KIF16B: variants seen among roughly 807,000 people sequenced by gnomAD.
KIF16B encodes the protein kinesin family member 16B, also known as kinesin-like protein KIF16B.
In KIF16B, 98 loss-of-function variants were observed where a neutral mutation model predicts 156.3. That is an observed-to-expected ratio of 0.63 (90% CI 0.53 to 0.74). KIF16B has a LOEUF of 0.74. Among genes scored for constraint, KIF16B ranks in the 30% least tolerant of loss-of-function variants. The pLI, the probability that KIF16B is intolerant of heterozygous loss-of-function variation, is 0.00. For missense variants in KIF16B, 1,421 were observed against 1,606.5 expected (o/e 0.88, Z 1.97); for synonymous variants, 564 against 583.7 (o/e 0.97, Z 0.49).
rs944495610 is a variant in KIF16B, at chr20:16,503,807, G to A, written c.1176+565C>T. On this transcript the variant is annotated intron_variant, in intron 10 of 25. Coordinates refer to ENST00000354981, the MANE Select transcript of KIF16B (RefSeq NM_024704.5). ...CTTACTGAGAAAATCACAAAGACAA[G>A]GAATCTTCACTAGAATCCCAACAGA... 1.1e-4 allele frequency among the ~76,000 whole-genome samples: 16 copies of A among 152,044 alleles called. 1 individual carries two copies. Among genetic ancestry groups the A allele is most frequent in the Non-Finnish European group, 1.3e-4 (9 of 67,998 alleles).
rs527449938 is a variant in KIF16B at position 16,282,957 on chromosome 20, A to G, written c.3796-9546T>C. Among the ~76,000 whole-genome samples the G allele has an allele frequency of 2.0e-5, 3 of 152,300 alleles. No homozygotes were observed. The South Asian group carries it at 6.2e-4, about 32-fold the overall frequency. ...AATGTTAATCCCCAACTTCTACTGAAGTCTACCACTTGCCCGAAGGTACTT... is the reference window on the plus strand; with the variant it reads ...AATGTTAATCCCCAACTTCTACTGAGGTCTACCACTTGCCCGAAGGTACTT... On this transcript the variant is annotated intron_variant, in intron 25 of 25. Transcript: ENST00000354981.
intron 23 of KIF16B, among the ~76,000 whole-genome samples, chr20:16,342,135 A>G (rs1318313615): frequency 2.6e-5 from 4 of 152,068 alleles, no homozygotes; most frequent in Non-Finnish European, 5.9e-5. Flanking sequence ...CATCCCCTCC[A>G]TGATCCCTTA....
chr20:16,541,333 C>A (rs573087090), intron 1 of KIF16B, among the ~76,000 whole-genome samples: 1 of 152,356 alleles, frequency 6.6e-6, no homozygotes, highest in Admixed American at 6.5e-5. Flanking sequence ...CAGCTCACCA[C>A]ACAGCAGTCA....
chr20:16,531,201 T>G (rs1287956638), intron 1 of KIF16B, among the ~76,000 whole-genome samples: 4 of 152,104 alleles, frequency 2.6e-5, no homozygotes, highest in Non-Finnish European at 5.9e-5. Flanking sequence ...AACTCATAAC[T>G]TAAAAATAAA....
intron 12 of KIF16B, among the ~76,000 whole-genome samples, chr20:16,475,755 A>G (rs908913033): frequency 6.6e-6 from 1 of 152,230 alleles, no homozygotes; most frequent in Non-Finnish European, 1.5e-5. Context: ...AATACAAGTA[A>G]ATGACACAAA....
At chr20:16,365,525 AC>A (rs1244425266) in intron 22 of KIF16B, among the ~76,000 whole-genome samples, 2 of 152,198 alleles carry the variant, frequency 1.3e-5, no homozygotes, top group Admixed American at 6.5e-5. Flanking sequence ...GGCTGCAGCC[AC>A]CAGTCTGTGG....
At chr20:16,540,006 T>C (rs749633172) in intron 1 of KIF16B, among the ~76,000 whole-genome samples, 1 of 152,170 alleles carries the variant, frequency 6.6e-6, no homozygotes, top group Non-Finnish European at 1.5e-5. Context: ...GAACCAATAT[T>C]TAACTGCCTT....
Position 16,497,687 on chromosome 20 carries a change from T to A in KIF16B, c.1177-9A>T. ...GAGTCTAAGAGGGCAATCTACAATA[T>A]AAACCATAAAAGAAATCAGCAATTA... On this transcript the variant is annotated splice_polypyrimidine_tract_variant and intron_variant, in intron 10 of 25. Transcript: ENST00000354981. 4 of 1,584,546 alleles carry A rather than the reference T, an allele frequency of 2.5e-6. No homozygotes were observed. Among genetic ancestry groups the A allele is most frequent in the Non-Finnish European group, 3.5e-6 (4 of 1,158,982 alleles).
At chr20:16,506,247 A>G in intron 7 of KIF16B, 57 bp from the exon 8 acceptor site, 1 of 1,404,950 alleles carries the variant, frequency 7.1e-7, no homozygotes, top group Non-Finnish European at 1.0e-6. Context: ...GATGTTGTTG[A>G]TGATATGAAT....
Position 16,428,996 on chromosome 20 carries a change from C to G in KIF16B, c.1431G>C (p.Gln477His). 1 of 1,613,030 alleles carries G rather than the reference C, an allele frequency of 6.2e-7. No individual in the cohort carries two copies. Among genetic ancestry groups the G allele is most frequent in the Non-Finnish European group, 8.5e-7 (1 of 1,179,188 alleles). The change falls in exon 14 of 26, where the codon CAG (glutamine) becomes CAC (histidine). Residue 477 changes from glutamine (Q) to histidine (H), a missense_variant. Transcript: ENST00000354981. ...AAGCATCGTCTCTACCAACGTATGT[C>G]TGACCTTCCTGGGAAGAAAACCCAA... The part of the protein sequence containing the change: ...GIILYHLKEG[Q>H]TYVGRDDAST...
intron 12 of KIF16B, among the ~76,000 whole-genome samples, chr20:16,449,709 T>C (rs1459148934): frequency 6.6e-6 from 1 of 152,162 alleles, no homozygotes; most frequent in Non-Finnish European, 1.5e-5. Context: ...GTAAATTAAA[T>C]ACAATTATGA....
At chr20:16,295,532 A>T (rs1206415681) in intron 25 of KIF16B, among the ~76,000 whole-genome samples, 1 of 150,134 alleles carries the variant, frequency 6.7e-6, no homozygotes, top group Non-Finnish European at 1.5e-5. Context: ...TTAAATCTAT[A>T]TATTTATATA....
intron 3 of KIF16B, among the ~76,000 whole-genome samples, chr20:16,519,704 C>A (rs2069265806): frequency 6.6e-6 from 1 of 152,224 alleles, no homozygotes; most frequent in Non-Finnish European, 1.5e-5. Context: ...CTGCAAGAAA[C>A]AAGTACTTTT....
chr20:16,478,616 C>T (rs2067886623), intron 12 of KIF16B, among the ~76,000 whole-genome samples: 1 of 152,184 alleles, frequency 6.6e-6, no homozygotes, highest in African/African-American at 2.4e-5. Context: ...CATATCCATG[C>T]TGTATTTCCC....
At chr20:16,454,176 A>C (rs1335340799) in intron 12 of KIF16B, among the ~76,000 whole-genome samples, 2 of 152,180 alleles carry the variant, frequency 1.3e-5, no homozygotes, top group Non-Finnish European at 2.9e-5. Context: ...ATGTAGAACA[A>C]TGTATAGTTT....
At chr20:16,343,358 G>C (rs1412769697) in intron 23 of KIF16B, among the ~76,000 whole-genome samples, 2 of 152,190 alleles carry the variant, frequency 1.3e-5, no homozygotes, top group South Asian at 2.1e-4. Flanking sequence ...GTCATCAGTA[G>C]ATATTTGGTT....
chr20:16,562,560 T>C (rs1177458362), intron 1 of KIF16B, among the ~76,000 whole-genome samples: 2 of 152,102 alleles, frequency 1.3e-5, no homozygotes, highest in Non-Finnish European at 2.9e-5. Flanking sequence ...GTAAGAGGCA[T>C]GTGTGGAGGG....
At chr20:16,555,403 A>G (rs980478892) in intron 1 of KIF16B, among the ~76,000 whole-genome samples, 2 of 152,128 alleles carry the variant, frequency 1.3e-5, no homozygotes, top group Admixed American at 6.5e-5. Flanking sequence ...ACCCTTCCAC[A>G]TGCATGCCTC....
At chr20:16,276,257 A>G (rs1298451304) in intron 25 of KIF16B, among the ~76,000 whole-genome samples, 1 of 152,246 alleles carries the variant, frequency 6.6e-6, no homozygotes, top group Non-Finnish European at 1.5e-5. Flanking sequence ...TAAAGCCTAA[A>G]GGGTATAATA....
Sources: allele counts gnomAD v4.1 joint callset (sites outside exome capture counted in the v4.1 genomes callset), GRCh38; gene constraint gnomAD v4.1.1; transcripts MANE v1.5; gene names NCBI Gene and HGNC (gene_info 2026-07-23, HGNC 2026-07-21).